The following ARHGAP22 variants were observed in gnomAD, a reference collection of about 807,000 sequenced individuals.
The protein encoded by ARHGAP22 is Rho GTPase activating protein 22.
ARHGAP22 carries 48 observed loss-of-function variants against 59.1 expected under a neutral mutation model. The observed-to-expected ratio is 0.81, with a 90% CI of 0.64 to 1.03. ARHGAP22 has a LOEUF of 1.03. ARHGAP22 is among the 50% of genes least tolerant of loss of function. The pLI is 0.00. For missense variants in ARHGAP22, 1,015 were observed against 958.7 expected (o/e 1.06, Z -0.78); for synonymous variants, 445 against 416.4 (o/e 1.07, Z -0.84).
chr10:48,548,949 G>T (rs188254951), intron 3 of ARHGAP22, among the ~76,000 whole-genome samples: 1 of 152,152 alleles, frequency 6.6e-6, no homozygotes, highest in Non-Finnish European at 1.5e-5. Context: ...CAGTTCCACC[G>T]CTCACCGGCC....
Position 48,450,490 on chromosome 10 carries a change from A to G in ARHGAP22, c.1639T>C (p.Trp547Arg). 3 of 1,533,442 alleles carry G rather than the reference A, an allele frequency of 2.0e-6. No homozygotes were observed. Among genetic ancestry groups the G allele is most frequent in the Non-Finnish European group, 2.6e-6 (3 of 1,138,884 alleles). The allele number at this position is 1,533,442 out of a possible 1,614,324, so 95.0% of individuals were successfully genotyped here. A position where few individuals can be genotyped will look rare whatever the true frequency, so the allele number is the denominator to read the frequency against. The change falls in exon 9 of 10, where the codon TGG becomes CGG. Residue 547 changes from tryptophan to arginine, a missense_variant. Trp to Arg is a moderately radical substitution (Grantham distance 101, BLOSUM62 -3). Transcript: ENST00000249601. ...GGGAGCGGGGAGGGCTCCAGGGCCC[A>G]GTCGGTGTGCAGGGAACTGCGGGCA... ...SSARSSLHTDWALEPSPLPSS... is the reference protein window; with the variant it reads ...SSARSSLHTDRALEPSPLPSS...
In ARHGAP22 at chr10:48,651,701, C is replaced by T. The variant is rs539285808; in HGVS notation, c.52+533G>A. Among the ~76,000 whole-genome samples the T allele has an allele frequency of 2.6e-4, 39 of 152,238 alleles. No homozygotes were observed. In the South Asian group the frequency reaches 7.9e-3, roughly 31 times the overall value. ...CCTGTGACCCAAACAAACAGTCATCCCACTTGGTCTAACAATTATCTCCCA... is the reference window on the plus strand; with the variant it reads ...CCTGTGACCCAAACAAACAGTCATCTCACTTGGTCTAACAATTATCTCCCA... On this transcript the variant is annotated intron_variant, in intron 1 of 9. Transcript: ENST00000435790.
At chr10:48,497,647 C>T (rs2051077500) in intron 3 of ARHGAP22, among the ~76,000 whole-genome samples, 1 of 152,112 alleles carries the variant, frequency 6.6e-6, no homozygotes, top group Non-Finnish European at 1.5e-5. Context: ...AGAGGCAGGG[C>T]ACTACCGGGG....
chr10:48,486,053 G>T (rs2049828401), intron 3 of ARHGAP22, among the ~76,000 whole-genome samples: 1 of 151,620 alleles, frequency 6.6e-6, no homozygotes, highest in African/African-American at 2.4e-5. Flanking sequence ...TTTGTTTTTT[G>T]TTTTTAATGA....
chr10:48,443,616 A>AGAC (rs1354205013), downstream of ARHGAP22, among the ~76,000 whole-genome samples: 1 of 152,168 alleles, frequency 6.6e-6, no homozygotes, highest in African/African-American at 2.4e-5. Context: ...TAGGAACTCA[A>AGAC]GACACCCGTG....
At chr10:48,618,614 A>T (rs1459414436) in intron 1 of ARHGAP22, among the ~76,000 whole-genome samples, 2 of 152,122 alleles carry the variant, frequency 1.3e-5, no homozygotes, top group Non-Finnish European at 2.9e-5. Flanking sequence ...ATCTCAATAG[A>T]TGTATAAAAA....
chr10:48,551,877 C>T (rs1354514424), intron 3 of ARHGAP22, among the ~76,000 whole-genome samples: 2 of 152,198 alleles, frequency 1.3e-5, no homozygotes, highest in South Asian at 2.1e-4. Flanking sequence ...CCCATATGGC[C>T]AGATGTCTGT....
intron 1 of ARHGAP22, among the ~76,000 whole-genome samples, chr10:48,620,555 A>G (rs2061249515): frequency 6.6e-6 from 1 of 152,126 alleles, no homozygotes; most frequent in Non-Finnish European, 1.5e-5. Context: ...GGCCTTGATC[A>G]TTCCTTGCCT....
At chr10:48,431,027 A>G in the ARHGAP22 span, 4 of 639,392 alleles carry the variant, frequency 6.3e-6, no homozygotes, top group African/African-American at 1.9e-5. Context: ...AGGAATTGTT[A>G]TTAATTAACA....
intron 3 of ARHGAP22, among the ~76,000 whole-genome samples, chr10:48,548,954 C>T (rs1351271200): frequency 6.6e-6 from 1 of 152,256 alleles, no homozygotes; most frequent in Non-Finnish European, 1.5e-5. Context: ...CCACCGCTCA[C>T]CGGCCCTCGG....
At chr10:48,523,143 C>T (rs1224078679) in intron 3 of ARHGAP22, among the ~76,000 whole-genome samples, 1 of 152,184 alleles carries the variant, frequency 6.6e-6, no homozygotes, top group Non-Finnish European at 1.5e-5. Flanking sequence ...GCCTGCCTTA[C>T]CCTATATGGT....
chr10:48,578,766 T>TCACA (rs1050874416), intron 2 of ARHGAP22, among the ~76,000 whole-genome samples: 7 of 152,170 alleles, frequency 4.6e-5, no homozygotes, highest in African/African-American at 1.7e-4. Flanking sequence ...GCATAAAAGT[T>TCACA]CACAGCTGCT....
chr10:48,618,135 T>C (rs1355787857), intron 1 of ARHGAP22, among the ~76,000 whole-genome samples: 1 of 151,978 alleles, frequency 6.6e-6, no homozygotes, highest in Non-Finnish European at 1.5e-5. Context: ...ATATACAACC[T>C]ACCAAGATTT....
At chr10:48,553,310 G>T (rs892604094) in intron 3 of ARHGAP22, among the ~76,000 whole-genome samples, 3 of 152,256 alleles carry the variant, frequency 2.0e-5, no homozygotes, top group Admixed American at 6.5e-5. Context: ...GGAGCAGCTC[G>T]CAGGATCTGC....
chr10:48,454,595 C>A (rs573718482), intron 6 of ARHGAP22, among the ~76,000 whole-genome samples: 30 of 152,318 alleles, frequency 2.0e-4, no homozygotes, highest in African/African-American at 7.2e-4. Context: ...TGGGAGCCAG[C>A]TCAAATTCTT....
chr10:48,588,674 A>T (rs1484636028), intron 1 of ARHGAP22, among the ~76,000 whole-genome samples: 1 of 152,164 alleles, frequency 6.6e-6, no homozygotes, highest in Non-Finnish European at 1.5e-5. Flanking sequence ...AGGACCATCC[A>T]TTCACTCATC....
intron 1 of ARHGAP22, among the ~76,000 whole-genome samples, chr10:48,632,633 G>T (rs1322452961): frequency 6.6e-6 from 1 of 152,076 alleles, no homozygotes; most frequent in Non-Finnish European, 1.5e-5. Context: ...TAGGTCTGTG[G>T]TTTGTTTTCT....
At chr10:48,468,038 A>G (rs2047889705) in intron 4 of ARHGAP22, among the ~76,000 whole-genome samples, 1 of 152,262 alleles carries the variant, frequency 6.6e-6, no homozygotes, top group Non-Finnish European at 1.5e-5. Context: ...TTATTGTAAT[A>G]CTTTTAAGAA....
chr10:48,456,466 C>A (rs1564681849), intron 5 of ARHGAP22, among the ~76,000 whole-genome samples: 2 of 152,188 alleles, frequency 1.3e-5, no homozygotes, highest in Non-Finnish European at 2.9e-5. Context: ...CCTCCTCGGC[C>A]TTCTCCCGGG....
Sources: allele counts gnomAD v4.1 joint callset (sites outside exome capture counted in the v4.1 genomes callset), GRCh38; gene constraint gnomAD v4.1.1; transcripts MANE v1.5; gene names NCBI Gene and HGNC (gene_info 2026-07-23, HGNC 2026-07-21).